The following CNTNAP2 variants were observed in gnomAD, a reference collection of about 807,000 sequenced individuals.
The protein encoded by CNTNAP2 is contactin associated protein 2, also known as contactin-associated protein-like 2.
In CNTNAP2, 98 loss-of-function variants were observed where a neutral mutation model predicts 155.2. The ratio of observed to expected loss-of-function variants is 0.63; its 90% CI spans 0.54 to 0.75. The LOEUF is 0.75. Ranked by LOEUF, CNTNAP2 falls within the 30% of genes least tolerant of loss-of-function variation. CNTNAP2 has a pLI of 0.00. For missense variants in CNTNAP2, 1,727 were observed against 1,688.1 expected (o/e 1.02, Z -0.40); for synonymous variants, 651 against 631.2 (o/e 1.03, Z -0.47).
At chr7:146,993,924 C>G (rs78795668) in intron 3 of CNTNAP2, among the ~76,000 whole-genome samples, 5,733 of 152,184 alleles carry the variant, frequency 0.038, 326 homozygotes, top group African/African-American at 0.13. Flanking sequence ...ACCAATACCA[C>G]TTTGAACTGC....
At chr7:147,512,208 C>T (rs1253384066) in intron 11 of CNTNAP2, among the ~76,000 whole-genome samples, 4 of 152,186 alleles carry the variant, frequency 2.6e-5, no homozygotes, top group Admixed American at 2.6e-4. Flanking sequence ...CGTGCATGCA[C>T]TCATGTATTA....
intron 1 of CNTNAP2, among the ~76,000 whole-genome samples, chr7:146,222,950 C>T (rs938080717): frequency 6.6e-6 from 1 of 152,038 alleles, no homozygotes. Context: ...TGAGCCACCG[C>T]ACCTGGCCAG....
intron 3 of CNTNAP2, among the ~76,000 whole-genome samples, chr7:147,002,759 G>T (rs912322442): frequency 3.3e-5 from 5 of 151,784 alleles, no homozygotes; most frequent in African/African-American, 1.2e-4. Flanking sequence ...ACATGTGGAA[G>T]AATCTAACTT....
chr7:147,643,224 C>T (rs1795313338), intron 13 of CNTNAP2, among the ~76,000 whole-genome samples: 1 of 152,038 alleles, frequency 6.6e-6, no homozygotes, highest in Admixed American at 6.6e-5. Flanking sequence ...CTTGTCTGAC[C>T]CATTGAAATA....
chr7:148,059,893 G>A (rs1263164762), intron 15 of CNTNAP2, among the ~76,000 whole-genome samples: 4 of 151,844 alleles, frequency 2.6e-5, no homozygotes, highest in African/African-American at 7.3e-5. Context: ...TTAAAAATTG[G>A]TCAAGGTTTT....
intron 17 of CNTNAP2, among the ~76,000 whole-genome samples, chr7:148,158,925 G>A (rs1335388495): frequency 6.6e-6 from 1 of 152,180 alleles, no homozygotes; most frequent in African/African-American, 2.4e-5. Flanking sequence ...GAAAAAGATT[G>A]TAATAAAATA....
intron 2 of CNTNAP2, among the ~76,000 whole-genome samples, chr7:146,780,723 G>A (rs549057523): frequency 6.6e-6 from 1 of 152,050 alleles, no homozygotes; most frequent in Non-Finnish European, 1.5e-5. Flanking sequence ...TCCTTTGCAG[G>A]GACATGGATG....
chr7:147,134,991 A>G (rs1801449979), intron 8 of CNTNAP2, among the ~76,000 whole-genome samples: 1 of 151,950 alleles, frequency 6.6e-6, no homozygotes, highest in African/African-American at 2.4e-5. Context: ...ACTCTCAGAT[A>G]CTGTTAATAT....
At chr7:146,407,166 G>A (rs1438438661) in intron 1 of CNTNAP2, among the ~76,000 whole-genome samples, 1 of 152,076 alleles carries the variant, frequency 6.6e-6, no homozygotes, top group South Asian at 2.1e-4. Context: ...TAAGGTTTTC[G>A]TTACAAAGAG....
At chr7:146,716,429 GT>G (rs1199104318) in intron 1 of CNTNAP2, among the ~76,000 whole-genome samples, 2 of 152,076 alleles carry the variant, frequency 1.3e-5, no homozygotes, top group East Asian at 1.9e-4. Flanking sequence ...GCCTTTGGAG[GT>G]TTTTGTTTAA....
At chr7:147,551,341 C>T (rs932263041) in intron 11 of CNTNAP2, among the ~76,000 whole-genome samples, 16 of 152,138 alleles carry the variant, frequency 1.1e-4, no homozygotes, top group African/African-American at 3.6e-4. Flanking sequence ...TTGGCAGATG[C>T]TTTAAGATTC....
At chr7:146,477,624 A>AACACACACACACACAC (rs1162610079) in intron 1 of CNTNAP2, among the ~76,000 whole-genome samples, 1 of 131,676 alleles carries the variant, frequency 7.6e-6, no homozygotes. Flanking sequence ...TTCTTCAGCA[A>AACACACACACACACAC]ACACACACAC....
intron 13 of CNTNAP2, among the ~76,000 whole-genome samples, chr7:147,668,734 A>G (rs745643042): frequency 5.9e-5 from 9 of 152,154 alleles, no homozygotes; most frequent in Non-Finnish European, 1.2e-4. Context: ...AGTAAAAAAT[A>G]ATTAAAATTT....
At chr7:148,157,571 C>CAAAAAAA (rs60716582) in intron 17 of CNTNAP2, among the ~76,000 whole-genome samples, 2 of 111,226 alleles carry the variant, frequency 1.8e-5, no homozygotes, top group East Asian at 2.8e-4. Flanking sequence ...GCAGAAGCAG[C>CAAAAAAA]AAAAAAAAAA....
intron 14 of CNTNAP2, among the ~76,000 whole-genome samples, chr7:147,956,728 A>G (rs180727308): frequency 6.6e-6 from 1 of 152,302 alleles, no homozygotes; most frequent in East Asian, 1.9e-4. Context: ...AGACCCAGAC[A>G]TAGATAGGTT....
chr7:147,895,799 G>A (rs1032156673), intron 13 of CNTNAP2, among the ~76,000 whole-genome samples: 5 of 152,208 alleles, frequency 3.3e-5, no homozygotes, highest in Admixed American at 6.5e-5. Flanking sequence ...AAATTGAACC[G>A]TTCTCCTCTT....
rs200078736 is a variant in CNTNAP2 at position 148,331,703 on chromosome 7, T to C, written c.3476-51946T>C. On this transcript the variant is annotated intron_variant, in intron 21 of 23. Transcript: ENST00000361727. ...GGATGGAATGGACGGATGGAGTGGA[T>C]GGATGGAGTGGACGGATGGATTGGA... 8.0e-3 allele frequency among the ~76,000 whole-genome samples: 1,059 copies of C among 131,908 alleles called. 3 individuals carry two copies. The highest frequency in any genetic ancestry group is 0.011 in the African/African-American group (369 of 32,184). 86.5% of individuals were successfully genotyped at this position (131,908 alleles called of 152,430 possible). A position where few individuals can be genotyped will look rare whatever the true frequency, so the allele number is the denominator to read the frequency against.
intron 9 of CNTNAP2, among the ~76,000 whole-genome samples, chr7:147,321,966 TGA>T (rs1795359625): frequency 6.6e-6 from 1 of 152,186 alleles, no homozygotes; most frequent in Non-Finnish European, 1.5e-5. Context: ...CTTTGTTATA[TGA>T]GAGAATATAG....
chr7:148,007,841 C>T (rs1396679637), intron 15 of CNTNAP2, among the ~76,000 whole-genome samples: 1 of 152,134 alleles, frequency 6.6e-6, no homozygotes, highest in African/African-American at 2.4e-5. Context: ...AGGTCTTATG[C>T]AAGGAACTTC....
Sources: gnomAD v4.1 joint callset for allele counts (sites outside exome capture counted in the v4.1 genomes callset) on GRCh38, gnomAD v4.1.1 for gene constraint, MANE v1.5 for transcripts, NCBI Gene and HGNC (gene_info 2026-07-23, HGNC 2026-07-21) for gene names.